Variants in PLXNA2 observed in about 807,000 individuals in gnomAD.
PLXNA2 encodes the protein plexin A2.
A neutral mutation model predicts 193.5 loss-of-function variants in PLXNA2; 91 were observed. That is an observed-to-expected ratio of 0.47 (90% CI 0.40 to 0.56). The LOEUF is 0.56. PLXNA2 is among the 20% of genes least tolerant of loss of function. PLXNA2 has a pLI of 0.00. For missense variants in PLXNA2, 1,995 were observed against 2,503.2 expected (o/e 0.80, Z 4.33); for synonymous variants, 997 against 1,027.3 (o/e 0.97, Z 0.56).
chr1:208,097,000 G>T, intron 6 of PLXNA2, 117 bp from the exon 7 acceptor site: 1 of 858,230 alleles, frequency 1.2e-6, no homozygotes, highest in South Asian at 1.8e-5. Context: ...ATCTATAAAA[G>T]AAGGATGTTG....
intron 5 of PLXNA2, among the ~76,000 whole-genome samples, chr1:208,102,939 A>T (rs1266683928): frequency 6.6e-6 from 1 of 152,234 alleles, no homozygotes; most frequent in Non-Finnish European, 1.5e-5. Flanking sequence ...GTAAAATGGA[A>T]GAAGAGAGGC....
chr1:208,152,406 T>C (rs987891885), intron 3 of PLXNA2, among the ~76,000 whole-genome samples: 8 of 152,202 alleles, frequency 5.3e-5, no homozygotes, highest in Non-Finnish European at 1.0e-4. Context: ...TTGCCTCTTA[T>C]CTGGGCTACT....
At chr1:208,092,664 G>GC (rs1666754078) in intron 9 of PLXNA2, 122 bp downstream of exon 9, 1 of 599,894 alleles carries the variant, frequency 1.7e-6, no homozygotes, top group African/African-American at 1.8e-5. Flanking sequence ...AGAATTTCTG[G>GC]CAAGACGGCC....
chr1:208,084,430 C>A lies in PLXNA2; in HGVS notation c.2248G>T (p.Val750Phe), dbSNP rs753667788. The change falls in exon 10 of 32, where the codon GTC becomes TTC. Residue 750 changes from valine to phenylalanine, a missense_variant. Transcript: ENST00000367033. ...VLNIQGAIHRVPALRFNSSSV... is the reference protein window; with the variant it reads ...VLNIQGAIHRFPALRFNSSSV... ...GAGCTGTTGAAGCGCAGAGCGGGGA[C>A]CCGGTGGATGGCTCCTTGTATGTTG... is the stretch of plus-strand genomic sequence containing the variant. The A allele has an allele frequency of 6.2e-7, 1 of 1,614,268 alleles. No individual in the cohort carries two copies. The highest frequency in any genetic ancestry group is 8.5e-7 in the Non-Finnish European group (1 of 1,180,050).
At chr1:208,107,194 C>T (rs935638980) in intron 4 of PLXNA2, among the ~76,000 whole-genome samples, 2 of 152,164 alleles carry the variant, frequency 1.3e-5, no homozygotes, top group African/African-American at 4.8e-5. Context: ...CATGAAAATC[C>T]AGGGTGCACT....
intron 21 of PLXNA2, 152 bp from the exon 22 acceptor site, chr1:208,042,518 G>A (rs767764576): frequency 2.9e-5 from 22 of 755,370 alleles, no homozygotes; most frequent in Non-Finnish European, 3.8e-5. Flanking sequence ...CCACTCACCC[G>A]TGATGATGTA....
intron 3 of PLXNA2, among the ~76,000 whole-genome samples, chr1:208,203,198 C>G (rs981961594): frequency 1.3e-5 from 2 of 152,182 alleles, no homozygotes; most frequent in South Asian, 2.1e-4. Flanking sequence ...ACCCAAGAGG[C>G]CTATAGAACA....
chr1:208,032,415 CTT>C (rs1664531324), intron 28 of PLXNA2, among the ~76,000 whole-genome samples: 1 of 152,148 alleles, frequency 6.6e-6, no homozygotes, highest in South Asian at 2.1e-4. Context: ...TCTGTTATCT[CTT>C]TGTTGGTCTC....
Position 208,029,041 on chromosome 1 carries a change from G to T in PLXNA2, c.5227C>A (p.Leu1743Ile), listed in dbSNP as rs752073315. ...ACGTTCACCCAGAAGCGCAGAGGGA[G>T]GCTGTGGGGAAAGGCAGAGAAGACT... The part of the protein sequence containing the change: ...DVRHTWKSNC[L>I]PLRFWVNVIK... The change falls in exon 30 of 32, where the codon CTC becomes ATC. Residue 1743 changes from leucine to isoleucine, a missense_variant and splice_region_variant. By Grantham distance (5) the Leu-to-Ile change is conservative (BLOSUM62 2). This residue lies in a region of PLXNA2 where 1,291 missense variants were observed against 1,673.6 expected (regional missense o/e 0.77). Coordinates refer to ENST00000367033, the MANE Select transcript of PLXNA2 (RefSeq NM_025179.4). The T allele has an allele frequency of 6.2e-7, 1 of 1,614,160 alleles. No individual in the cohort carries two copies. The highest frequency in any genetic ancestry group is 1.1e-5 in the South Asian group (1 of 91,086).
chr1:208,088,735 TAATATCTGACAAA>T (rs1666616732), intron 9 of PLXNA2, among the ~76,000 whole-genome samples: 1 of 152,244 alleles, frequency 6.6e-6, no homozygotes, highest in Admixed American at 6.5e-5. Context: ...ATGGTGCCAA[TAATATCTGACAAA>T]CCTAGATTGC....
At chr1:208,163,216 C>T (rs538596318) in intron 3 of PLXNA2, among the ~76,000 whole-genome samples, 2 of 152,044 alleles carry the variant, frequency 1.3e-5, no homozygotes, top group African/African-American at 4.8e-5. Flanking sequence ...TAAACTGTTT[C>T]TGGTGGAGGG....
At chr1:208,181,737 C>G (rs142088369) in intron 3 of PLXNA2, among the ~76,000 whole-genome samples, 1 of 152,140 alleles carries the variant, frequency 6.6e-6, no homozygotes, top group Non-Finnish European at 1.5e-5. Flanking sequence ...GTTGTGGGCC[C>G]GAGTTCACTG....
intron 22 of PLXNA2, 100 bp from the exon 23 acceptor site, chr1:208,040,158 T>A: frequency 1.1e-6 from 1 of 949,310 alleles, no homozygotes; most frequent in East Asian, 2.4e-5. Context: ...CAATGGAGCA[T>A]GGGAGAACGC....
chr1:208,054,946 T>C (rs1665377947), intron 13 of PLXNA2, among the ~76,000 whole-genome samples: 1 of 152,172 alleles, frequency 6.6e-6, no homozygotes, highest in South Asian at 2.1e-4. Context: ...CAAGCAGACA[T>C]TGCTACACTC....
intron 12 of PLXNA2, among the ~76,000 whole-genome samples, chr1:208,078,317 GT>G (rs917148827): frequency 6.6e-6 from 1 of 152,208 alleles, no homozygotes; most frequent in African/African-American, 2.4e-5. Flanking sequence ...CTGATCTGGG[GT>G]TTTGATATAA....
In PLXNA2 at chr1:208,210,464, T is replaced by G; in HGVS notation, c.1189-2A>C. On this transcript the variant is annotated splice_acceptor_variant, in intron 2 of 31. Transcript: ENST00000367033. LOFTEE classifies it high-confidence loss of function. ...GAAGTTATCATCGATGGGGACAGGC[T>G]GGAGGGAAGCGGAAGGAATTGGGGT... The G allele has an allele frequency of 6.2e-7, 1 of 1,609,030 alleles. No homozygotes were observed. The highest frequency in any genetic ancestry group is 8.5e-7 in the Non-Finnish European group (1 of 1,176,372).
intron 3 of PLXNA2, among the ~76,000 whole-genome samples, chr1:208,156,909 T>A (rs749247497): frequency 3.3e-5 from 5 of 152,202 alleles, no homozygotes; most frequent in Non-Finnish European, 5.9e-5. Flanking sequence ...CACAGCCTCA[T>A]ATACTTATTT....
At chr1:208,133,164 G>A (rs764129282) in intron 4 of PLXNA2, among the ~76,000 whole-genome samples, 6 of 152,144 alleles carry the variant, frequency 3.9e-5, no homozygotes, top group African/African-American at 7.2e-5. Flanking sequence ...TGAGTCCCCC[G>A]AGTGACCCCA....
chr1:208,172,954 C>T (rs554218870), intron 3 of PLXNA2, among the ~76,000 whole-genome samples: 44 of 152,290 alleles, frequency 2.9e-4, no homozygotes, highest in Admixed American at 9.2e-4. Context: ...AGATTAACAG[C>T]GAGGTGACTG....
Sources: allele counts gnomAD v4.1 joint callset (sites outside exome capture counted in the v4.1 genomes callset), GRCh38; gene constraint gnomAD v4.1.1; regional missense constraint gnomAD v4.1.1; transcripts MANE v1.5; gene names NCBI Gene and HGNC (gene_info 2026-07-23, HGNC 2026-07-21).